MYH3: variants seen among roughly 807,000 people sequenced by gnomAD.
The protein encoded by MYH3 is myosin heavy chain 3, also known as myosin-3.
In MYH3, 130 loss-of-function variants were observed where a neutral mutation model predicts 238.0. That is an observed-to-expected ratio of 0.55 (90% CI 0.47 to 0.63). The LOEUF is 0.63. MYH3 is among the 30% of genes least tolerant of loss of function. MYH3 has a pLI of 0.00. For synonymous variants in MYH3, 880 were observed against 924.1 expected, an observed-to-expected ratio of 0.95 and a Z score of 0.86; for missense variants, 1,853 against 2,374.9, an observed-to-expected ratio of 0.78 and a Z score of 4.57.
At position 10,637,848 on chromosome 17, in the gene MYH3, C is replaced by T. The variant is rs1043778598; in HGVS notation, c.3817G>A (p.Glu1273Lys). The T allele has an allele frequency of 6.8e-6, 11 of 1,614,142 alleles. No individual in the cohort carries two copies. Among genetic ancestry groups the T allele is most frequent in the Non-Finnish European group, 9.3e-6 (11 of 1,180,046 alleles). ...AAACGAGACTTCTGTGTGGTCAGCT[C>T]GCTCAGGCTCCTCTGAATTTCCTCA... ...KNEEIQRSLS[E>K]LTTQKSRLQT... Residue 1273 changes from glutamate (E) to lysine (K), a missense_variant, in exon 28 of 41, where the codon GAG becomes AAG. Transcript: ENST00000583535.
chr17:10,646,045 A>G lies in MYH3; in HGVS notation c.899-13T>C, dbSNP rs373931968. On this transcript the variant is annotated splice_polypyrimidine_tract_variant and intron_variant, in intron 10 of 40. Transcript: ENST00000583535. ...ATAAGCAGCAGCTCTGAAATGACAA[A>G]TAGTTCCAGGAGGTTATGCAGATGC... 3.7e-6 allele frequency: 6 copies of G among 1,607,296 alleles called. No homozygotes were observed. In the Admixed American group the frequency reaches 8.3e-5, roughly 22 times the overall value.
rs540559770 is a variant in MYH3 at position 10,633,003 on chromosome 17, C to A, written c.4648-219G>T. 6.6e-6 allele frequency among the ~76,000 whole-genome samples: 1 copy of A among 152,208 alleles called. No homozygotes were observed. The highest frequency in any genetic ancestry group is 2.4e-5 in the African/African-American group (1 of 41,538). On this transcript the variant is annotated intron_variant, in intron 33 of 40. Coordinates refer to ENST00000583535, the MANE Select transcript of MYH3 (RefSeq NM_002470.4). ...GAGGGGGGCAGATCACCTGAGGTCA[C>A]GAGTTTGAGACCAGCCTGACCAATG... is the stretch of plus-strand genomic sequence containing the variant.
At chr17:10,646,102 C>T (rs970462782) in intron 10 of MYH3, 70 bp from the exon 11 acceptor site, 11 of 1,305,722 alleles carry the variant, frequency 8.4e-6, no homozygotes, top group Non-Finnish European at 1.1e-5. Flanking sequence ...GACTTGAGCT[C>T]CTGCACCCTG....
rs2142407833 is a variant in MYH3 at position 10,644,271 on chromosome 17, T to C, written c.1410+80A>G. On this transcript the variant is annotated intron_variant, in intron 14 of 40. Coordinates refer to ENST00000583535, the MANE Select transcript of MYH3 (RefSeq NM_002470.4). Reference sequence around the variant, plus strand: ...CAGGAAACTAAGACAGCCGCCATCTTGCTATCTTCCCTTTAGGATCATGAA... The same window carrying C: ...CAGGAAACTAAGACAGCCGCCATCTCGCTATCTTCCCTTTAGGATCATGAA... 3 of 1,454,746 alleles carry C rather than the reference T, an allele frequency of 2.1e-6. No individual in the cohort carries two copies. The East Asian group carries it at 6.8e-5, about 33-fold the overall frequency. The allele number at this position is 1,454,746 out of a possible 1,614,324, so 90.1% of individuals were successfully genotyped here. A position where few individuals can be genotyped will look rare whatever the true frequency, so the allele number is the denominator to read the frequency against.
At chr17:10,658,514 G>C (rs953862050), upstream of MYH3, 2 of 152,226 alleles carry the variant, frequency 1.3e-5, no homozygotes, top group Non-Finnish European at 2.9e-5. Context: ...AGAAGACGCA[G>C]AGGAAACAGA....
At chr17:10,669,566 C>CAAAAAAATAAAAAAAAAA in the MYH3 span, among the ~76,000 whole-genome samples, 1 of 96,456 alleles carries the variant, frequency 1.0e-5, no homozygotes, top group Non-Finnish European at 2.1e-5. Flanking sequence ...GAGTCCATCT[C>CAAAAAAATAAAAAAAAAA]AAAAAAAAAA....
At chr17:10,648,233 G>A (rs1024089755) in intron 8 of MYH3, among the ~76,000 whole-genome samples, 1 of 151,924 alleles carries the variant, frequency 6.6e-6, no homozygotes, top group African/African-American at 2.4e-5. Context: ...GTCAGGGACT[G>A]CCCTGGCCCT....
chr17:10,667,564 C>A, the MYH3 span, among the ~76,000 whole-genome samples: 1 of 151,786 alleles, frequency 6.6e-6, no homozygotes, highest in Non-Finnish European at 1.5e-5. Context: ...GCCTGTAGTC[C>A]CAGCTACTTG....
intron 22 of MYH3, 35 bp from the exon 23 acceptor site, chr17:10,639,837 A>C (rs768832047): frequency 1.2e-6 from 2 of 1,612,630 alleles, no homozygotes; most frequent in Non-Finnish European, 1.7e-6. Flanking sequence ...TCGTTGAATG[A>C]TATAAGGTTT....
chr17:10,634,927 T>A lies in MYH3; in HGVS notation c.4269A>T (p.Gln1423His). Residue 1423 changes from glutamine (Q) to histidine (H), a missense_variant, in exon 31 of 41, where the codon CAA becomes CAT. By Grantham distance (24) the Gln-to-His change is conservative. This residue lies in a region of MYH3 where 1,044 missense variants were observed against 1,192.6 expected (regional missense o/e 0.88). Transcript: ENST00000583535. ...CAACCATCAGATCCTCCACCTCTCC[T>A]TGCAGCCTCTGCTTGGTCTTCTCCA... ...ASLEKTKQRL[Q>H]GEVEDLMVDV... 1 of 1,614,104 alleles carries A rather than the reference T, an allele frequency of 6.2e-7. No individual in the cohort carries two copies. Among genetic ancestry groups the A allele is most frequent in the East Asian group, 2.2e-5 (1 of 44,866 alleles).
At position 10,650,371 on chromosome 17, in the gene MYH3, T is replaced by TAA. The variant is rs1485670279; in HGVS notation, c.533+2_533+3insTT. The TAA allele has an allele frequency of 6.2e-7, 1 of 1,611,388 alleles. No homozygotes were observed. The highest frequency in any genetic ancestry group is 8.5e-7 in the Non-Finnish European group (1 of 1,177,582). On this transcript the variant is annotated splice_region_variant and intron_variant, in intron 6 of 40. Coordinates refer to ENST00000583535, the MANE Select transcript of MYH3 (RefSeq NM_002470.4). ...GAAACCACTCTATGCCATGGATACTTACGTGATCAGAATGGACTGGTTTTC... is the reference window on the plus strand; with the variant it reads ...GAAACCACTCTATGCCATGGATACTTAAACGTGATCAGAATGGACTGGTTTTC...
At position 10,642,385 on chromosome 17, in the gene MYH3, G is replaced by T. The variant is rs1441056772; in HGVS notation, c.1888+32C>A. On this transcript the variant is annotated intron_variant, in intron 16 of 40. Coordinates refer to ENST00000583535, the MANE Select transcript of MYH3 (RefSeq NM_002470.4). This position sits in a 1 kb window ranked among gnomAD's most constrained non-coding sequence, Gnocchi z 5.4. ...TTTGTTACTGTGGAACAAATGGAGG[G>T]AAATCACATGGACACAAAGCACTCC... 6.2e-7 allele frequency: 1 copy of T among 1,614,108 alleles called. No homozygotes were observed. Among genetic ancestry groups the T allele is most frequent in the Non-Finnish European group, 8.5e-7 (1 of 1,179,956 alleles).
At chr17:10,648,503 T>A (rs369663078) in intron 8 of MYH3, 54 bp downstream of exon 8, 2 of 1,444,710 alleles carry the variant, frequency 1.4e-6, no homozygotes, top group Non-Finnish European at 1.9e-6. Flanking sequence ...ACAGGGCTCT[T>A]GCCTATTTTG....
At chr17:10,664,085 A>G in the MYH3 span, among the ~76,000 whole-genome samples, 1 of 148,862 alleles carries the variant, frequency 6.7e-6, no homozygotes, top group Non-Finnish European at 1.5e-5. Context: ...AAAAAAAAAA[A>G]GGTCTAGTAT....
At chr17:10,664,554 G>A in the MYH3 span, among the ~76,000 whole-genome samples, 565 of 152,294 alleles carry the variant, frequency 3.7e-3, 2 homozygotes, top group Middle Eastern at 0.01. Flanking sequence ...ACTTCGATCT[G>A]TGAGTGAAAG....
In MYH3 at chr17:10,631,663, G is replaced by C; in HGVS notation, c.5234C>G (p.Ala1745Gly). The C allele has an allele frequency of 1.2e-6, 2 of 1,614,108 alleles. No homozygotes were observed. The highest frequency in any genetic ancestry group is 1.7e-6 in the Non-Finnish European group (2 of 1,180,024). The change falls in exon 36 of 41, where the codon GCC (alanine) becomes GGC (glycine). Residue 1745 changes from alanine (A) to glycine (G), a missense_variant. By Grantham distance (60) the Ala-to-Gly change is moderately conservative (BLOSUM62 0). Coordinates refer to ENST00000583535, the MANE Select transcript of MYH3 (RefSeq NM_002470.4). ...CTCAGCGTTCCTTGCATCCCTGCTG[G>C]CATCTTCTACCTCACTCTGGAGCTG... ...LMQLQSEVED[A>G]SRDARNAEEK...
In MYH3 at chr17:10,639,191, T is replaced by C. The variant is rs770631675; in HGVS notation, c.3103-2A>G. 3 of 1,614,024 alleles carry C rather than the reference T, an allele frequency of 1.9e-6. No homozygotes were observed. Among genetic ancestry groups the C allele is most frequent in the South Asian group, 2.2e-5 (2 of 91,086 alleles). ...TTCTTGTTCTAGGGAGCTTTCCAGC[T>C]GAAAAAGGCACCATTTCCTTTTGGG... On this transcript the variant is annotated splice_acceptor_variant, in intron 24 of 40. Coordinates refer to ENST00000583535, the MANE Select transcript of MYH3 (RefSeq NM_002470.4). LOFTEE classifies it high-confidence loss of function.
In MYH3 at chr17:10,642,296, T is replaced by A; in HGVS notation, c.1903A>T (p.Lys635Ter). 1 of 1,614,164 alleles carries A rather than the reference T, an allele frequency of 6.2e-7. No individual in the cohort carries two copies. The highest frequency in any genetic ancestry group is 8.5e-7 in the Non-Finnish European group (1 of 1,180,024). The change falls in exon 17 of 41, where the codon AAG becomes TAG. Residue 635 changes from lysine (K) to a stop codon, truncating the protein, a stop_gained. Coordinates refer to ENST00000583535, the MANE Select transcript of MYH3 (RefSeq NM_002470.4). LOFTEE classifies it high-confidence loss of function. The surrounding 1 kb of genome is among the most constrained non-coding windows in gnomAD (Gnocchi z 5.4). ...GAACCCTTCTTCTTGGCAACTTTCTTCTTTCCACTGTCAGCTGAAAGCAAT... is the reference window on the plus strand; with the variant it reads ...GAACCCTTCTTCTTGGCAACTTTCTACTTTCCACTGTCAGCTGAAAGCAAT... ...FATADADSGK[K>*]KVAKKKGSSF... is the part of the protein sequence containing the mutation.
chr17:10,651,069 C>T (rs1358290957), intron 5 of MYH3, among the ~76,000 whole-genome samples: 1 of 151,494 alleles, frequency 6.6e-6, no homozygotes, highest in East Asian at 1.9e-4. Flanking sequence ...CCTGTAGTCG[C>T]AGCTACTCGG....
Sources: gnomAD v4.1 joint callset for allele counts (sites outside exome capture counted in the v4.1 genomes callset) on GRCh38, gnomAD v4.1.1 for gene constraint, gnomAD v4.1.1 regional missense constraint, Gnocchi (gnomAD v3.1) non-coding constraint, MANE v1.5 for transcripts, NCBI Gene and HGNC (gene_info 2026-07-23, HGNC 2026-07-21) for gene names.